The following NCSTN variants were observed in gnomAD, a reference collection of about 807,000 sequenced individuals.
The protein encoded by NCSTN is nicastrin.
In NCSTN, 22 loss-of-function variants were observed where a neutral mutation model predicts 87.0. The observed-to-expected ratio is 0.25, with a 90% CI of 0.18 to 0.36. NCSTN has a LOEUF of 0.36. NCSTN is among the 10% of genes least tolerant of loss of function. NCSTN has a pLI of 1.00. For synonymous variants in NCSTN, 306 were observed against 327.1 expected (o/e 0.94, Z 0.69); for missense variants, 693 against 883.3 (o/e 0.78, Z 2.73).
At chr1:160,349,946 T>C (rs1466606627) in intron 4 of NCSTN, among the ~76,000 whole-genome samples, 159 bp from the exon 5 acceptor site, 1 of 152,218 alleles carries the variant, frequency 6.6e-6, no homozygotes, top group Non-Finnish European at 1.5e-5. Flanking sequence ...TGTCTTTCTA[T>C]TTTAGTGTGG....
At chr1:160,351,469 G>C in intron 6 of NCSTN, 97 bp downstream of exon 6, 1 of 1,456,278 alleles carries the variant, frequency 6.9e-7, no homozygotes, top group Non-Finnish European at 9.5e-7. Flanking sequence ...TAGGGAAGGA[G>C]TAGACACCAT....
rs200138861 is a variant in NCSTN, at chr1:160,352,878, A to G, written c.997-9A>G. The G allele has an allele frequency of 7.5e-6, 12 of 1,610,674 alleles. No homozygotes were observed. The highest frequency in any genetic ancestry group is 7.6e-6 in the Non-Finnish European group (9 of 1,177,044). On this transcript the variant is annotated splice_polypyrimidine_tract_variant and intron_variant, in intron 8 of 16. Transcript: ENST00000294785. ...TCTGTTCCCCCTCCCACCTACCTCC[A>G]TCTCTCAGGAAACTTTTGACTACAT... is the stretch of plus-strand genomic sequence containing the variant.
chr1:160,354,147 G>T lies in NCSTN; in HGVS notation c.1209G>T (p.Lys403Asn), dbSNP rs1172449236. 1.9e-6 allele frequency: 3 copies of T among 1,614,168 alleles called. No homozygotes were observed. The highest frequency in any genetic ancestry group is 2.2e-5 in the South Asian group (2 of 91,078). Residue 403 changes from lysine to asparagine, a missense_variant, in exon 11 of 17, where the codon AAG (lysine) becomes AAT (asparagine). This residue lies in a region of NCSTN where 108 missense variants were observed against 111.6 expected (regional missense o/e 0.97). Transcript: ENST00000294785. ...AGGATCTCCTGGCCACATTGGAGAAGAGTGGTGCTGGTGTCCCTGCTGTCA... is the reference window on the plus strand; with the variant it reads ...AGGATCTCCTGGCCACATTGGAGAATAGTGGTGCTGGTGTCCCTGCTGTCA... ...QVEDLLATLE[K>N]SGAGVPAVIL...
At chr1:160,349,978 A>C (rs567815110) in intron 4 of NCSTN, 127 bp from the exon 5 acceptor site, 1 of 1,185,782 alleles carries the variant, frequency 8.4e-7, no homozygotes, top group East Asian at 2.3e-5. Context: ...CTTCATGCCT[A>C]CTTCTTTGAG....
intron 5 of NCSTN, 59 bp from the exon 6 acceptor site, chr1:160,351,163 G>C (rs757912024): frequency 7.0e-4 from 1,107 of 1,578,838 alleles, no homozygotes; most frequent in Non-Finnish European, 8.5e-4. Flanking sequence ...CTCCTTCTGG[G>C]ATGTAAGGGA....
intron 1 of NCSTN, chr1:160,343,924 C>T: frequency 6.8e-6 from 2 of 296,218 alleles, no homozygotes; most frequent in Non-Finnish European, 1.3e-5. Flanking sequence ...TGATTACATC[C>T]TAAGTCTGTG....
At chr1:160,343,508 G>A (rs1648231192) in intron 1 of NCSTN, 27 bp downstream of exon 1, 2 of 1,579,748 alleles carry the variant, frequency 1.3e-6, no homozygotes, top group Non-Finnish European at 1.7e-6. Flanking sequence ...CGTGAGCTCC[G>A]TTCTCTAAGG....
At chr1:160,345,687 C>T (rs968853497) in intron 2 of NCSTN, among the ~76,000 whole-genome samples, 2 of 151,856 alleles carry the variant, frequency 1.3e-5, no homozygotes, top group Non-Finnish European at 2.9e-5. Flanking sequence ...GTAATCCCAG[C>T]ACTTCAGGAG....
chr1:160,354,307 C>T lies in NCSTN; in HGVS notation c.1352+17C>T. ...CCATAACAAGTAAGAATCACTTGGC[C>T]CTGCACCCTCTTCATTCTTGAAGAG... is the stretch of plus-strand genomic sequence containing the variant. On this transcript the variant is annotated intron_variant, in intron 11 of 16. Coordinates refer to ENST00000294785, the MANE Select transcript of NCSTN (RefSeq NM_015331.3). 1 of 1,609,838 alleles carries T rather than the reference C, an allele frequency of 6.2e-7. No individual in the cohort carries two copies. The highest frequency in any genetic ancestry group is 8.5e-7 in the Non-Finnish European group (1 of 1,176,086).
chr1:160,356,056 C>A, intron 13 of NCSTN, 98 bp downstream of exon 13: 1 of 1,213,678 alleles, frequency 8.2e-7, no homozygotes, highest in Non-Finnish European at 1.2e-6. Flanking sequence ...TTCCACATGA[C>A]TGTTGATGCC....
At chr1:160,355,528 G>A in intron 11 of NCSTN, 127 bp from the exon 12 acceptor site, 1 of 751,732 alleles carries the variant, frequency 1.3e-6, no homozygotes, top group Non-Finnish European at 2.4e-6. Flanking sequence ...GATCCTGATT[G>A]TCTCTCACCC....
chr1:160,351,936 A>T (rs1345794773), intron 7 of NCSTN, 118 bp from the exon 8 acceptor site: 1 of 1,480,606 alleles, frequency 6.8e-7, no homozygotes, highest in Non-Finnish European at 9.4e-7. Context: ...GGGCTGTGGG[A>T]CTCCTGGGTT....
At position 160,350,080 on chromosome 1, in the gene NCSTN, C is replaced by T. The variant is rs769343191; in HGVS notation, c.437-25C>T. The T allele has an allele frequency of 5.0e-6, 8 of 1,613,050 alleles. No homozygotes were observed. In the East Asian group the frequency reaches 6.7e-5, roughly 13 times the overall value. On this transcript the variant is annotated intron_variant, in intron 4 of 16. Transcript: ENST00000294785. ...TACTTGGTGTCCCAGTAACCAGTCC[C>T]CCTATTCCCCATCCTTCCCTTCAGG...
At chr1:160,356,388 AG>A (rs1414334853) in intron 14 of NCSTN, 41 bp downstream of exon 14, 1 of 1,530,100 alleles carries the variant, frequency 6.5e-7, no homozygotes, top group African/African-American at 1.4e-5. Flanking sequence ...AGCTGAGGAA[AG>A]GGATAGAGAA....
chr1:160,347,722 G>A (rs927222679), intron 2 of NCSTN, among the ~76,000 whole-genome samples: 3 of 152,134 alleles, frequency 2.0e-5, no homozygotes, highest in Non-Finnish European at 4.4e-5. Flanking sequence ...CAATTCTCCT[G>A]CCTCAGCCTT....
At chr1:160,351,508 A>G (rs1201895854) in intron 6 of NCSTN, 136 bp downstream of exon 6, 2 of 1,346,394 alleles carry the variant, frequency 1.5e-6, no homozygotes, top group Non-Finnish European at 2.1e-6. Flanking sequence ...AGAACTAGAA[A>G]CAATTCTGAA....
chr1:160,353,998 T>C (rs1275120884), intron 10 of NCSTN, 120 bp from the exon 11 acceptor site: 1 of 1,090,176 alleles, frequency 9.2e-7, no homozygotes, highest in Non-Finnish European at 1.4e-6. Context: ...AAAGGTCTAC[T>C]AGAGATAGGG....
chr1:160,354,431 G>T lies in NCSTN; in HGVS notation c.1352+141G>T, dbSNP rs60806731. On this transcript the variant is annotated intron_variant, in intron 11 of 16. Coordinates refer to ENST00000294785, the MANE Select transcript of NCSTN (RefSeq NM_015331.3). ...CCATCTGTATTCTTTGCTCAGTGGC[G>T]TTTTCACATCTGAACTGAAACCCTT... is the stretch of plus-strand genomic sequence containing the variant. The T allele has an allele frequency of 3.3e-6, 3 of 920,250 alleles. No homozygotes were observed. In the East Asian group the frequency reaches 7.5e-5, roughly 23 times the overall value. 57.0% of individuals were successfully genotyped at this position (920,250 alleles called of 1,614,324 possible). A position where few individuals can be genotyped will look rare whatever the true frequency, so the allele number is the denominator to read the frequency against.
In NCSTN at chr1:160,358,424, G is replaced by A. The variant is rs1234334392; in HGVS notation, c.*153G>A. The A allele has an allele frequency of 4.9e-6, 5 of 1,030,440 alleles. No homozygotes were observed. The African/African-American group carries it at 6.3e-5, about 13-fold the overall frequency. The allele number at this position is 1,030,440 out of a possible 1,614,324, so 63.8% of individuals were successfully genotyped here. A position where few individuals can be genotyped will look rare whatever the true frequency, so the allele number is the denominator to read the frequency against. Reference sequence around the variant, plus strand: ...GAGTGGAACTATCCAAAAGAGACAGGGAGAAATAAATAAATTGCCTCCCTT... The same window carrying A: ...GAGTGGAACTATCCAAAAGAGACAGAGAGAAATAAATAAATTGCCTCCCTT... On this transcript the variant is annotated 3_prime_UTR_variant, in exon 17 of 17. Coordinates refer to ENST00000294785, the MANE Select transcript of NCSTN (RefSeq NM_015331.3).
Sources: allele counts gnomAD v4.1 joint callset (sites outside exome capture counted in the v4.1 genomes callset), GRCh38; gene constraint gnomAD v4.1.1; regional missense constraint gnomAD v4.1.1; transcripts MANE v1.5; gene names NCBI Gene and HGNC (gene_info 2026-07-23, HGNC 2026-07-21).